Variants in APC observed in about 807,000 individuals in gnomAD.
The protein encoded by APC is adenomatous polyposis coli protein.
A neutral mutation model predicts 247.0 loss-of-function variants in APC; 72 were observed. That is an observed-to-expected ratio of 0.29 (90% CI 0.24 to 0.35). The LOEUF is 0.35. Ranked by LOEUF, APC falls within the 10% of genes least tolerant of loss-of-function variation. The probability of loss-of-function intolerance (pLI) is 1.00; values close to 1 mark genes in which losing one functional copy is unlikely to be tolerated. For synonymous variants in APC, 1,254 were observed against 1,162.5 expected, an observed-to-expected ratio of 1.08 and a Z score of -1.60; for missense variants, 3,400 against 3,360.7, an observed-to-expected ratio of 1.01 and a Z score of -0.29.
intron 14 of APC, among the ~76,000 whole-genome samples, chr5:112,832,737 C>T (rs962963011): frequency 1.3e-5 from 2 of 152,172 alleles, no homozygotes; most frequent in African/African-American, 4.8e-5. Flanking sequence ...GTCTAATCCT[C>T]CTAAAGAGCT....
chr5:112,824,627 T>C (rs1763460637), intron 11 of APC, among the ~76,000 whole-genome samples: 1 of 152,214 alleles, frequency 6.6e-6, no homozygotes, highest in South Asian at 2.1e-4. Flanking sequence ...ATTTTATCTT[T>C]CTTAAGAAAG....
intron 2 of APC, among the ~76,000 whole-genome samples, chr5:112,756,549 T>C (rs896210569): frequency 3.3e-5 from 5 of 152,248 alleles, no homozygotes; most frequent in Admixed American, 2.0e-4. Flanking sequence ...TCATCTACTT[T>C]AGTATGGTAT....
chr5:112,753,935 A>C (rs1007715424), intron 1 of APC, among the ~76,000 whole-genome samples: 1 of 152,224 alleles, frequency 6.6e-6, no homozygotes, highest in Non-Finnish European at 1.5e-5. Flanking sequence ...CTAAACTAAA[A>C]AGAGAATGTG....
intron 1 of APC, among the ~76,000 whole-genome samples, chr5:112,744,967 A>G (rs1753474448): frequency 6.6e-6 from 1 of 152,168 alleles, no homozygotes; most frequent in Non-Finnish European, 1.5e-5. Flanking sequence ...AAAATGAGTA[A>G]CACCTACCTC....
chr5:112,747,888 C>T (rs1753864381), intron 1 of APC, among the ~76,000 whole-genome samples: 1 of 152,006 alleles, frequency 6.6e-6, no homozygotes, highest in African/African-American at 2.4e-5. Flanking sequence ...TTTGGGTTAC[C>T]TTGGGGTGTT....
At chr5:112,779,213 G>A (rs1758054382) in intron 5 of APC, among the ~76,000 whole-genome samples, 1 of 152,146 alleles carries the variant, frequency 6.6e-6, no homozygotes, top group African/African-American at 2.4e-5. Context: ...GAATTTTGGG[G>A]GATTTGTTGG....
intron 1 of APC, among the ~76,000 whole-genome samples, chr5:112,717,908 CTTTTTTTTTTTTTTTTT>C: frequency 7.4e-5 from 3 of 40,634 alleles, no homozygotes; most frequent in East Asian, 8.8e-4. Flanking sequence ...TTTTCTTTTT[CTTTTTTTTTTTTTTTTT>C]TTTTTTTTTT....
At chr5:112,769,404 T>C (rs1238801150) in intron 4 of APC, among the ~76,000 whole-genome samples, 1 of 152,192 alleles carries the variant, frequency 6.6e-6, no homozygotes, top group Admixed American at 6.5e-5. Context: ...AATTGCTTGA[T>C]GTATGGAATG....
intron 1 of APC, among the ~76,000 whole-genome samples, chr5:112,751,947 A>G (rs1329166446): frequency 6.6e-6 from 1 of 152,038 alleles, no homozygotes; most frequent in East Asian, 1.9e-4. Flanking sequence ...TTAAATTTGT[A>G]AAGTGTCTTT....
chr5:112,708,287 C>T (rs1237677543), intron 1 of APC, among the ~76,000 whole-genome samples: 1 of 152,184 alleles, frequency 6.6e-6, no homozygotes, highest in East Asian at 1.9e-4. Context: ...GATAGCCCGG[C>T]ATGTGGAGTT....
chr5:112,807,137 A>T (rs78626122), intron 8 of APC, among the ~76,000 whole-genome samples: 1 of 113,314 alleles, frequency 8.8e-6, no homozygotes, highest in Non-Finnish European at 1.7e-5. Flanking sequence ...TATCTCAAGG[A>T]AAAAAAAAAA....
chr5:112,712,046 T>G (rs1750881751), intron 1 of APC, among the ~76,000 whole-genome samples: 1 of 152,160 alleles, frequency 6.6e-6, no homozygotes, highest in Non-Finnish European at 1.5e-5. Flanking sequence ...AACAATATCT[T>G]TGTCTAGAGG....
At chr5:112,798,765 G>A (rs1406020941) in intron 7 of APC, among the ~76,000 whole-genome samples, 1 of 152,204 alleles carries the variant, frequency 6.6e-6, no homozygotes, top group Non-Finnish European at 1.5e-5. Context: ...AAAGAGGAGG[G>A]AGGAAAGAAA....
rs555019540 is a variant in APC, at chr5:112,840,677, A to G, written c.5083A>G (p.Arg1695Gly). ...ACGAGATACCATTCCTACAGAAGGC[A>G]GAAGTACAGATGAGGCTCAAGGAGG... ...EKRDTIPTEGRSTDEAQGGKT... is the reference protein window; with the variant it reads ...EKRDTIPTEGGSTDEAQGGKT... Residue 1695 changes from arginine (R) to glycine (G), a missense_variant, in exon 16 of 16, where the codon AGA becomes GGA. Around this residue, in one of 9 missense-constraint regions of APC, gnomAD observed 1,788 missense variants for 1,649.5 expected, o/e 1.08. Coordinates refer to ENST00000257430, the MANE Select transcript of APC (RefSeq NM_000038.6). The surrounding 1 kb of genome is among the most constrained non-coding windows in gnomAD (Gnocchi z 4.1). The G allele has an allele frequency of 8.1e-6, 13 of 1,614,136 alleles. No homozygotes were observed. The African/African-American group carries it at 9.3e-5, about 12-fold the overall frequency.
At chr5:112,808,895 A>G (rs1761698130) in intron 8 of APC, among the ~76,000 whole-genome samples, 1 of 152,216 alleles carries the variant, frequency 6.6e-6, no homozygotes, top group South Asian at 2.1e-4. Flanking sequence ...AGGGGGAAGG[A>G]GAAGTCGAGA....
At chr5:112,794,467 A>G (rs1333168835) in intron 7 of APC, among the ~76,000 whole-genome samples, 3 of 152,178 alleles carry the variant, frequency 2.0e-5, no homozygotes, top group South Asian at 2.1e-4. Context: ...GTTGGGTTCA[A>G]TTTTGATCCT....
At chr5:112,819,992 C>T (rs965384489) in intron 10 of APC, among the ~76,000 whole-genome samples, 1 of 152,090 alleles carries the variant, frequency 6.6e-6, no homozygotes. Flanking sequence ...AGACAGTGGG[C>T]CTCAGTTGCT....
rs2149915821 is a variant in APC at position 112,840,075 on chromosome 5, A to G, written c.4481A>G (p.Glu1494Gly). 1 of 1,614,128 alleles carries G rather than the reference A, an allele frequency of 6.2e-7. No homozygotes were observed. Among genetic ancestry groups the G allele is most frequent in the Non-Finnish European group, 8.5e-7 (1 of 1,180,010 alleles). ...DADTLLHFAT[E>G]STPDGFSCSS... ...GATACTTTATTACATTTTGCCACGGAAAGTACTCCAGATGGATTTTCTTGT... is the reference window on the plus strand; with the variant it reads ...GATACTTTATTACATTTTGCCACGGGAAGTACTCCAGATGGATTTTCTTGT... Residue 1494 changes from glutamate to glycine, a missense_variant, in exon 16 of 16, where the codon GAA becomes GGA. Transcript: ENST00000257430. The surrounding 1 kb of genome is among the most constrained non-coding windows in gnomAD (Gnocchi z 4.1).
chr5:112,771,544 G>C (rs758198295), intron 4 of APC, among the ~76,000 whole-genome samples: 2 of 152,036 alleles, frequency 1.3e-5, no homozygotes, highest in Admixed American at 1.3e-4. Flanking sequence ...AGTTCAGGTA[G>C]GTTTAGGTTC....
Sources: allele counts gnomAD v4.1 joint callset (sites outside exome capture counted in the v4.1 genomes callset), GRCh38; gene constraint gnomAD v4.1.1; regional missense constraint gnomAD v4.1.1; non-coding constraint Gnocchi (gnomAD v3.1); transcripts MANE v1.5; gene names NCBI Gene and HGNC (gene_info 2026-07-23, HGNC 2026-07-21).